The following CACNA1C variants were observed in gnomAD, a reference collection of about 807,000 sequenced individuals.
CACNA1C encodes the protein voltage-dependent L-type calcium channel subunit alpha-1C.
A neutral mutation model predicts 229.0 loss-of-function variants in CACNA1C; 30 were observed. The observed-to-expected ratio is 0.13, with a 90% confidence interval of 0.10 to 0.18. The LOEUF (loss-of-function observed/expected upper bound fraction) is 0.18, where lower values mean the gene tolerates loss of function less well. CACNA1C is among the 10% of genes least tolerant of loss of function. CACNA1C has a pLI of 1.00. For missense variants in CACNA1C, 1,658 were observed against 2,845.0 expected (o/e 0.58, Z 9.49); for synonymous variants, 1,114 against 1,132.5 (o/e 0.98, Z 0.33).
chr12:1,992,423 A>C (rs1313598633), intron 1 of CACNA1C: 1 of 153,378 alleles, frequency 6.5e-6, no homozygotes, highest in Non-Finnish European at 1.5e-5. Context: ...TCTTGAGTTC[A>C]AAGAGTAGGA....
Position 2,691,396 on chromosome 12 carries a change from C to A in CACNA1C, c.*197C>A. Reference sequence around the variant, plus strand: ...AGGCGCCCGGCTGCGTCTGCAGAGGCGGGGAGAGGAGGCGGCGAGGGTCCC... The same window carrying A: ...AGGCGCCCGGCTGCGTCTGCAGAGGAGGGGAGAGGAGGCGGCGAGGGTCCC... On this transcript the variant is annotated 3_prime_UTR_variant, in exon 47 of 47. Transcript: ENST00000399655. 3.9e-6 allele frequency: 2 copies of A among 516,436 alleles called. No homozygotes were observed. The highest frequency in any genetic ancestry group is 1.6e-4 in the South Asian group (2 of 12,644). The allele number at this position is 516,436 out of a possible 1,614,324, so 32.0% of individuals were successfully genotyped here. A position where few individuals can be genotyped will look rare whatever the true frequency, so the allele number is the denominator to read the frequency against.
At chr12:2,077,353 T>A (rs1201465337) in intron 1 of CACNA1C, among the ~76,000 whole-genome samples, 1 of 152,220 alleles carries the variant, frequency 6.6e-6, no homozygotes, top group Non-Finnish European at 1.5e-5. Flanking sequence ...GTATGGGTAG[T>A]CCAAGGTACA....
chr12:2,681,388 C>T (rs1400133528), intron 42 of CACNA1C, among the ~76,000 whole-genome samples: 5 of 152,224 alleles, frequency 3.3e-5, no homozygotes, highest in Admixed American at 1.3e-4. Context: ...ACAAACAACA[C>T]ACAGGGCATC....
At chr12:2,616,508 C>G (rs938707050) in intron 29 of CACNA1C, among the ~76,000 whole-genome samples, 2 of 152,032 alleles carry the variant, frequency 1.3e-5, no homozygotes, top group Non-Finnish European at 2.9e-5. Context: ...AGCACCCAGC[C>G]CTTTCCCTGC....
chr12:2,369,485 A>G (rs577229826), intron 3 of CACNA1C, among the ~76,000 whole-genome samples: 1 of 144,416 alleles, frequency 6.9e-6, no homozygotes, highest in African/African-American at 2.6e-5. Flanking sequence ...TGCATCCCCC[A>G]CCTCCCGGGT....
intron 7 of CACNA1C, among the ~76,000 whole-genome samples, chr12:2,494,198 G>A (rs955176006): frequency 6.6e-6 from 1 of 152,010 alleles, no homozygotes; most frequent in Non-Finnish European, 1.5e-5. Flanking sequence ...GCAAATCTTC[G>A]TTTACCTTAA....
chr12:2,691,110 G>T lies in CACNA1C; in HGVS notation c.6328G>T (p.Gly2110Cys), dbSNP rs778550803. The change falls in exon 47 of 47, where the codon GGC (glycine) becomes TGC (cysteine). Residue 2110 changes from glycine to cysteine, a missense_variant. By Grantham distance (159) the Gly-to-Cys change is radical (BLOSUM62 -3). Coordinates refer to ENST00000399655, the MANE Select transcript of CACNA1C (RefSeq NM_000719.7). ...GGACGCGGGGCAGGACCGAGCCGGG[G>T]GCGAAGAGGACGCGGGCTGTGTGCG... The part of the protein sequence containing the change: ...CRDAGQDRAG[G>C]EEDAGCVRAR... The T allele has an allele frequency of 7.4e-6, 12 of 1,612,102 alleles. No individual in the cohort carries two copies. Among genetic ancestry groups the T allele is most frequent in the Non-Finnish European group, 1.0e-5 (12 of 1,178,960 alleles).
chr12:2,650,874 C>G (rs2094888099), intron 31 of CACNA1C, among the ~76,000 whole-genome samples: 2 of 152,150 alleles, frequency 1.3e-5, no homozygotes, highest in South Asian at 4.1e-4. Flanking sequence ...CTTACGCTGC[C>G]CCTCTCCCTT....
chr12:2,248,791 C>T (rs564134215), intron 3 of CACNA1C, among the ~76,000 whole-genome samples: 17 of 152,320 alleles, frequency 1.1e-4, no homozygotes, highest in Admixed American at 4.6e-4. Flanking sequence ...TTGGCGGTGA[C>T]GGACTTAGGT....
At chr12:2,572,922 C>T (rs1307691852) in intron 13 of CACNA1C, among the ~76,000 whole-genome samples, 3 of 130,626 alleles carry the variant, frequency 2.3e-5, no homozygotes, top group South Asian at 2.8e-4. Context: ...CCTCCTCTTC[C>T]TCCTCCTCCT....
intron 7 of CACNA1C, among the ~76,000 whole-genome samples, chr12:2,501,233 A>AAAAAAAAAAAAAAAAAAAAAC (rs2099759416): frequency 6.7e-6 from 1 of 149,000 alleles, no homozygotes; most frequent in Admixed American, 6.7e-5. Context: ...AAAAAAAAAA[A>AAAAAAAAAAAAAAAAAAAAAC]AGTAAAGCAA....
chr12:2,142,033 T>C (rs545538598), intron 3 of CACNA1C, among the ~76,000 whole-genome samples: 21 of 151,178 alleles, frequency 1.4e-4, no homozygotes, highest in African/African-American at 4.8e-4. Flanking sequence ...AGACTCTGTA[T>C]TGGGGAGGCA....
At chr12:2,389,776 T>C (rs2098453302) in intron 3 of CACNA1C, among the ~76,000 whole-genome samples, 2 of 152,214 alleles carry the variant, frequency 1.3e-5, no homozygotes, top group South Asian at 4.1e-4. Context: ...CTGGTGTGTG[T>C]GCTCCTGCTG....
rs2068957819 is a variant in CACNA1C, at chr12:2,597,549, T to C, written c.2853+260T>C. On this transcript the variant is annotated intron_variant, in intron 21 of 46. Coordinates refer to ENST00000399655, the MANE Select transcript of CACNA1C (RefSeq NM_000719.7). The surrounding 1 kb of genome is among the most constrained non-coding windows in gnomAD (Gnocchi z 4.3). ...TGTCGCTTTCTTTGTCTATCTCTGC[T>C]CTGTGTGGCTGGATCTTTTGTCTTT... 3.5e-6 allele frequency: 4 copies of C among 1,127,404 alleles called. No individual in the cohort carries two copies. The East Asian group carries it at 9.4e-5, about 26-fold the overall frequency. The allele number at this position is 1,127,404 out of a possible 1,614,324, so 69.8% of individuals were successfully genotyped here. A position where few individuals can be genotyped will look rare whatever the true frequency, so the allele number is the denominator to read the frequency against.
Position 2,493,139 on chromosome 12 carries a change from ATC to A in CACNA1C, c.917-46_917-45del. 6.6e-7 allele frequency: 1 copy of A among 1,509,680 alleles called. No individual in the cohort carries two copies. The highest frequency in any genetic ancestry group is 9.2e-7 in the Non-Finnish European group (1 of 1,087,512). 93.5% of individuals were successfully genotyped at this position (1,509,680 alleles called of 1,614,324 possible). On this transcript the variant is annotated intron_variant, in intron 6 of 46. Transcript: ENST00000399655. The surrounding 1 kb of genome is among the most constrained non-coding windows in gnomAD (Gnocchi z 4.6). ...CTCTCTGACTTCTTTCTCTGCCCAC[ATC>A]TCTCCCTCCCTGCTGCTCCCGTCTC... is the stretch of plus-strand genomic sequence containing the variant.
chr12:2,560,679 C>G (rs542289461), intron 11 of CACNA1C, among the ~76,000 whole-genome samples: 59 of 152,158 alleles, frequency 3.9e-4, no homozygotes, highest in African/African-American at 1.3e-3. Flanking sequence ...ACTAGCTTGC[C>G]CAGTCTTCAG....
chr12:2,255,722 T>C (rs2077229073), intron 3 of CACNA1C, among the ~76,000 whole-genome samples: 1 of 151,852 alleles, frequency 6.6e-6, no homozygotes, highest in Admixed American at 6.6e-5. Flanking sequence ...ATTGGACAGA[T>C]AATAAGCTTT....
At chr12:2,407,216 C>T (rs1340817324) in intron 3 of CACNA1C, among the ~76,000 whole-genome samples, 1 of 152,278 alleles carries the variant, frequency 6.6e-6, no homozygotes, top group Non-Finnish European at 1.5e-5. Context: ...GGGGGGCACA[C>T]CTCATTACTG....
intron 10 of CACNA1C, among the ~76,000 whole-genome samples, chr12:2,554,457 T>C (rs1037554419): frequency 7.2e-5 from 11 of 152,214 alleles, no homozygotes; most frequent in Non-Finnish European, 1.5e-4. Flanking sequence ...CCAGGAAGCC[T>C]TCCGAGTGTG....
Sources: allele counts gnomAD v4.1 joint callset (sites outside exome capture counted in the v4.1 genomes callset), GRCh38; gene constraint gnomAD v4.1.1; non-coding constraint Gnocchi (gnomAD v3.1); transcripts MANE v1.5; gene names NCBI Gene and HGNC (gene_info 2026-07-23, HGNC 2026-07-21).